CORO2B: variants seen among roughly 807,000 people sequenced by gnomAD.
CORO2B encodes the protein coronin-2B.
In CORO2B, 26 loss-of-function variants were observed where a neutral mutation model predicts 58.8. The ratio of observed to expected loss-of-function variants is 0.44; its 90% confidence interval spans 0.32 to 0.61. The LOEUF (loss-of-function observed/expected upper bound fraction) is 0.61, where lower values mean the gene tolerates loss of function less well. Ranked by LOEUF, CORO2B falls within the 20% of genes least tolerant of loss-of-function variation. The pLI, the probability that CORO2B is intolerant of heterozygous loss-of-function variation, is 0.04. For synonymous variants in CORO2B, 242 were observed against 253.8 expected, an observed-to-expected ratio of 0.95 and a Z score of 0.44; for missense variants, 460 against 645.1, an observed-to-expected ratio of 0.71 and a Z score of 3.11.
At chr15:68,598,757 A>T (rs867428813) in intron 1 of CORO2B, among the ~76,000 whole-genome samples, 2 of 152,114 alleles carry the variant, frequency 1.3e-5, no homozygotes, top group Admixed American at 1.3e-4. Flanking sequence ...TGCTAACTGG[A>T]CTTTGTTTAG....
the CORO2B span, among the ~76,000 whole-genome samples, chr15:68,519,643 T>C: frequency 6.6e-6 from 1 of 152,244 alleles, no homozygotes; most frequent in South Asian, 2.1e-4. Context: ...TTTTCCTTTG[T>C]TGTTTATACT....
chr15:68,702,594 A>T (rs1892677497), intron 3 of CORO2B, among the ~76,000 whole-genome samples: 2 of 152,134 alleles, frequency 1.3e-5, no homozygotes, highest in Non-Finnish European at 2.9e-5. Context: ...AGAATGATTG[A>T]CAAGAAACGG....
the CORO2B span, among the ~76,000 whole-genome samples, chr15:68,554,127 C>T: frequency 7.9e-5 from 12 of 152,106 alleles, no homozygotes; most frequent in Non-Finnish European, 1.5e-4. Flanking sequence ...GTGGGCTTGT[C>T]GGGCCCTGGT....
rs143037956 is a variant in CORO2B, at chr15:68,698,356, A to G, written c.333+3100A>G. On this transcript the variant is annotated intron_variant, in intron 3 of 11. Transcript: ENST00000261861. ...GGGCTCCTGGAATCACTGGCCACCC[A>G]GGTTCCTCCTCAGGTCTCAATTTCT... Among the ~76,000 whole-genome samples, 1,108 of 152,322 alleles carry G rather than the reference A, an allele frequency of 7.3e-3. 15 individuals carry two copies. Among genetic ancestry groups the G allele is most frequent in the African/African-American group, 0.025 (1,021 of 41,562 alleles).
At chr15:68,584,240 T>C (rs768798851) in intron 1 of CORO2B, among the ~76,000 whole-genome samples, 2 of 152,226 alleles carry the variant, frequency 1.3e-5, no homozygotes, top group Non-Finnish European at 2.9e-5. Context: ...CCTTCCTTAC[T>C]GTCTCTCCCT....
intron 2 of CORO2B, among the ~76,000 whole-genome samples, chr15:68,691,125 C>T (rs1162824456): frequency 4.0e-5 from 6 of 150,694 alleles, no homozygotes; most frequent in Admixed American, 2.0e-4. Flanking sequence ...GTCAGGAGAT[C>T]GAGACCATCC....
At chr15:68,627,064 C>T (rs1900703944) in intron 1 of CORO2B, among the ~76,000 whole-genome samples, 1 of 152,176 alleles carries the variant, frequency 6.6e-6, no homozygotes, top group African/African-American at 2.4e-5. Flanking sequence ...CTTTTTTCTG[C>T]CTCTGTTTCT....
chr15:68,708,680 C>CT (rs149417380), intron 3 of CORO2B, among the ~76,000 whole-genome samples: 9,183 of 149,078 alleles, frequency 0.062, 890 homozygotes, highest in African/African-American at 0.21. Context: ...GGCTTTCTTC[C>CT]TTTTTTTTTT....
At chr15:68,578,905 C>G, upstream of CORO2B, 1 of 502,272 alleles carries the variant, frequency 2.0e-6, no homozygotes, top group African/African-American at 2.1e-5. This position sits in a 1 kb window ranked among gnomAD's most constrained non-coding sequence, Gnocchi z 4.2. Context: ...TCCTCCTCCT[C>G]CTCCCTCCGC....
chr15:68,579,355 G>T lies in CORO2B; in HGVS notation c.15+78G>T, dbSNP rs1175813493. On this transcript the variant is annotated intron_variant, in intron 1 of 11. Coordinates refer to ENST00000261861, the MANE Select transcript of CORO2B (RefSeq NM_006091.5). The stretch of plus-strand genomic sequence containing the variant: ...GGGCTAGGCTGCGGGGGGCGCGGGG[G>T]TGTGGGTGTGGGGAGGGGGCGCCGG... 1.3e-5 allele frequency: 16 copies of T among 1,212,480 alleles called. No homozygotes were observed. In the South Asian group the frequency reaches 2.1e-4, roughly 16 times the overall value. The allele number at this position is 1,212,480 out of a possible 1,614,324, so 75.1% of individuals were successfully genotyped here. A position where few individuals can be genotyped will look rare whatever the true frequency, so the allele number is the denominator to read the frequency against.
At chr15:68,693,878 CA>C (rs1892446276) in intron 2 of CORO2B, among the ~76,000 whole-genome samples, 4 of 152,186 alleles carry the variant, frequency 2.6e-5, no homozygotes, top group Admixed American at 1.3e-4. Flanking sequence ...CTCTGTCACC[CA>C]GTCTGGAGTG....
chr15:68,721,173 C>T (rs1229970583), intron 11 of CORO2B, among the ~76,000 whole-genome samples: 1 of 76,598 alleles, frequency 1.3e-5, no homozygotes, highest in Non-Finnish European at 3.1e-5. Flanking sequence ...TGAGCCACCA[C>T]ACCTGGCCCA....
the CORO2B span, among the ~76,000 whole-genome samples, chr15:68,531,541 A>C: frequency 7.6e-6 from 1 of 131,368 alleles, no homozygotes; most frequent in Non-Finnish European, 1.7e-5. Flanking sequence ...GGAAGGAAGG[A>C]AGGAAGGAAG....
intron 11 of CORO2B, among the ~76,000 whole-genome samples, chr15:68,724,569 T>C (rs968850263): frequency 6.6e-6 from 1 of 152,186 alleles, no homozygotes; most frequent in African/African-American, 2.4e-5. Flanking sequence ...TTCTCCAGTC[T>C]TTTAGGGCTA....
chr15:68,546,353 G>T, the CORO2B span, among the ~76,000 whole-genome samples: 1 of 152,128 alleles, frequency 6.6e-6, no homozygotes, highest in East Asian at 1.9e-4. Flanking sequence ...GCATCAATTT[G>T]GGATGTGTGT....
At chr15:68,692,029 G>A (rs1202307293) in intron 2 of CORO2B, among the ~76,000 whole-genome samples, 1 of 152,222 alleles carries the variant, frequency 6.6e-6, no homozygotes, top group East Asian at 1.9e-4. Context: ...GATGATGCAG[G>A]GCCTGTCTGC....
intron 2 of CORO2B, among the ~76,000 whole-genome samples, chr15:68,681,690 C>A (rs1042173833): frequency 6.6e-6 from 1 of 151,942 alleles, no homozygotes; most frequent in Non-Finnish European, 1.5e-5. Context: ...GAGGGCCAGG[C>A]AGGTAAGTCA....
chr15:68,650,473 G>C (rs1359535346), intron 2 of CORO2B, among the ~76,000 whole-genome samples: 1 of 150,818 alleles, frequency 6.6e-6, no homozygotes, highest in Non-Finnish European at 1.5e-5. Flanking sequence ...TTGGCTGGGC[G>C]TGATGGTGCG....
chr15:68,651,456 C>G (rs1901640569), intron 2 of CORO2B, among the ~76,000 whole-genome samples: 1 of 152,326 alleles, frequency 6.6e-6, no homozygotes, highest in Non-Finnish European at 1.5e-5. Flanking sequence ...CCAGTTTTCA[C>G]CCCCTCAGTT....
Sources: allele counts gnomAD v4.1 joint callset (sites outside exome capture counted in the v4.1 genomes callset), GRCh38; gene constraint gnomAD v4.1.1; non-coding constraint Gnocchi (gnomAD v3.1); transcripts MANE v1.5; gene names NCBI Gene and HGNC (gene_info 2026-07-23, HGNC 2026-07-21).